The following ARL13A variants were observed in gnomAD, a reference collection of about 807,000 sequenced individuals.
ARL13A encodes ADP-ribosylation factor-like protein 13A.
In ARL13A, 16 loss-of-function variants were observed where a neutral mutation model predicts 19.1. The ratio of observed to expected loss-of-function variants is 0.84; its 90% CI spans 0.57 to 1.27. ARL13A has a LOEUF of 1.27. Ranked by LOEUF, ARL13A falls within the 50% of genes most tolerant of loss-of-function variation. The pLI, the probability that ARL13A is intolerant of heterozygous loss-of-function variation, is 0.00. For synonymous variants in ARL13A, 69 were observed against 71.3 expected, an observed-to-expected ratio of 0.97 and a Z score of 0.17; for missense variants, 153 against 186.4, an observed-to-expected ratio of 0.82 and a Z score of 1.04.
At chrX:100,982,015 G>C (rs1215952860) in intron 3 of ARL13A, among the ~76,000 whole-genome samples, 1 of 110,013 alleles carries the variant, frequency 9.1e-6, no homozygotes, top group Non-Finnish European at 1.9e-5. Context: ...GTTTTGTCTG[G>C]CATGGTCATG....
At chrX:100,988,958 G>C (rs1026632312) in intron 7 of ARL13A, among the ~76,000 whole-genome samples, 4 of 104,726 alleles carry the variant, frequency 3.8e-5, no homozygotes, top group Non-Finnish European at 7.7e-5. Flanking sequence ...AATTACGCAA[G>C]TACCCAAAAA....
At position 100,974,144 on chromosome X, in the gene ARL13A, T is replaced by C; in HGVS notation, c.77T>C (p.Ile26Thr). Residue 26 changes from isoleucine (I) to threonine (T), a missense_variant, in exon 3 of 8, where the codon ATC (isoleucine) becomes ACC (threonine). Coordinates refer to ENST00000450049, the MANE Select transcript of ARL13A (RefSeq NM_001162491.2). ...EETRRNVTIP[I>T]IGLNNSGKTV... Reference sequence around the variant, plus strand: ...ATTTCTAGGAATGTGACCATCCCTATCATTGGCTTGAACAACTCTGGCAAA... The same window carrying C: ...ATTTCTAGGAATGTGACCATCCCTACCATTGGCTTGAACAACTCTGGCAAA... 4.2e-6 allele frequency: 5 copies of C among 1,191,863 alleles called. No homozygotes were observed. Among genetic ancestry groups the C allele is most frequent in the Non-Finnish European group, 5.7e-6 (5 of 884,673 alleles).
intron 3 of ARL13A, among the ~76,000 whole-genome samples, chrX:100,981,867 TG>T (rs1356301402): frequency 9.3e-6 from 1 of 107,313 alleles, no homozygotes; most frequent in African/African-American, 3.4e-5. Context: ...ACCTAATTTT[TG>T]GTTCTTATGA....
chrX:100,981,667 G>T (rs2085857809), intron 3 of ARL13A, among the ~76,000 whole-genome samples: 1 of 107,821 alleles, frequency 9.3e-6, no homozygotes, highest in Non-Finnish European at 1.9e-5. Context: ...AAATTAGCCA[G>T]GTATGGTGAC....
At chrX:100,982,465 C>T (rs1484808512) in intron 3 of ARL13A, among the ~76,000 whole-genome samples, 2 of 72,885 alleles carry the variant, frequency 2.7e-5, no homozygotes, top group African/African-American at 9.3e-5. Context: ...GCACTCCAGG[C>T]TTAAAAAATA....
In ARL13A at chrX:100,985,710, T is replaced by C; in HGVS notation, c.174T>C (p.Thr58=). Residue 58 remains threonine (T), a synonymous_variant, in exon 4 of 8, where the codon ACT becomes ACC. Transcript: ENST00000450049. The part of the protein sequence containing the change: ...KTDHCMKSEL[T]TLLLDEYELS... ...ACCATTGCATGAAATCGGAACTGAC[T>C]ACACTTTTGTTAGATGAGTATGAAC... 8.3e-7 allele frequency: 1 copy of C among 1,211,044 alleles called. No individual in the cohort carries two copies. The highest frequency in any genetic ancestry group is 1.1e-6 in the Non-Finnish European group (1 of 895,106).
Position 100,974,351 on chromosome X carries a change from ACTCTATCTCT to A in ARL13A, c.130+159_130+168del, listed in dbSNP as rs200056405. ...CTAACACACACGCACACACACACAT[ACTCTATCTCT>A]CTCTGTCTCTCTCTCTCTCTCTCCC... On this transcript the variant is annotated intron_variant, in intron 3 of 7. Transcript: ENST00000450049. Among the ~76,000 whole-genome samples the A allele has an allele frequency of 1.0e-3, 107 of 105,990 alleles. 1 individual carries two copies. The East Asian group carries it at 0.03, about 29-fold the overall frequency. The allele number at this position is 105,990 out of a possible 115,157, so 92.0% of individuals were successfully genotyped here.
intron 3 of ARL13A, among the ~76,000 whole-genome samples, chrX:100,983,253 AAAAG>A (rs1232927332): frequency 1.8e-5 from 2 of 112,020 alleles, no homozygotes; most frequent in Non-Finnish European, 3.8e-5. Context: ...AGTAAAAAGA[AAAAG>A]AAAACTAGGA....
chrX:100,971,718 CTT>C (rs777239339), intron 1 of ARL13A, among the ~76,000 whole-genome samples: 309 of 14,556 alleles, frequency 0.021, 5 homozygotes, highest in Middle Eastern at 0.056. Context: ...CTTTCATTTT[CTT>C]TTTTTTTTTT....
At chrX:100,977,535 C>CA (rs1311815943) in intron 3 of ARL13A, among the ~76,000 whole-genome samples, 1 of 110,424 alleles carries the variant, frequency 9.1e-6, no homozygotes. Context: ...CGTGTGCCAC[C>CA]ACACCTGGCT....
intron 3 of ARL13A, among the ~76,000 whole-genome samples, chrX:100,981,852 C>T (rs1352498228): frequency 2.8e-5 from 3 of 105,858 alleles, no homozygotes; most frequent in East Asian, 3.0e-4. Context: ...GTACTGTGAT[C>T]GCTCACCTAA....
rs763541942 is a variant in ARL13A, at chrX:100,973,751, A to G, written c.59+3A>G. 1.7e-6 allele frequency: 2 copies of G among 1,207,633 alleles called. No homozygotes were observed. On this transcript the variant is annotated splice_donor_region_variant and intron_variant, in intron 2 of 7. Coordinates refer to ENST00000450049, the MANE Select transcript of ARL13A (RefSeq NM_001162491.2). Reference sequence around the variant, plus strand: ...AGGACAACAGAAGAGACACGAAGGTAATATTACAATTATTTCCCTAGGCCT... The same window carrying G: ...AGGACAACAGAAGAGACACGAAGGTGATATTACAATTATTTCCCTAGGCCT...
At chrX:100,979,888 G>A (rs2085826844) in intron 3 of ARL13A, among the ~76,000 whole-genome samples, 1 of 111,797 alleles carries the variant, frequency 8.9e-6, no homozygotes, top group African/African-American at 3.3e-5. Context: ...AGATCTGAGA[G>A]AATTCCCTGG....
At chrX:100,983,087 T>A (rs2085884859) in intron 3 of ARL13A, among the ~76,000 whole-genome samples, 1 of 110,846 alleles carries the variant, frequency 9.0e-6, no homozygotes, top group Non-Finnish European at 1.9e-5. Flanking sequence ...CCACTAGGGA[T>A]ACAGAAATGA....
At chrX:100,973,623 A>G in intron 1 of ARL13A, 53 bp from the exon 2 acceptor site, 1 of 1,110,724 alleles carries the variant, frequency 9.0e-7, no homozygotes, top group Non-Finnish European at 1.2e-6. Context: ...CTAAAGGCTC[A>G]GTGTTTATAA....
intron 7 of ARL13A, 125 bp downstream of exon 7, chrX:100,988,408 AAT>A (rs1434217033): frequency 8.3e-7 from 1 of 1,204,854 alleles, no homozygotes; most frequent in South Asian, 1.8e-5. Context: ...GTCTAAAAAG[AAT>A]ATGTCAGTAA....
At chrX:100,982,731 C>G (rs762307163) in intron 3 of ARL13A, among the ~76,000 whole-genome samples, 14 of 105,031 alleles carry the variant, frequency 1.3e-4, no homozygotes, top group Non-Finnish European at 1.9e-4. Flanking sequence ...TCATGGGTCA[C>G]TACAGCCTCG....
At position 100,973,659 on chromosome X, in the gene ARL13A, T is replaced by A. The variant is rs768628896; in HGVS notation, c.-14-17T>A. On this transcript the variant is annotated splice_polypyrimidine_tract_variant and intron_variant, in intron 1 of 7. Transcript: ENST00000450049. ...CAGGACTTACTTCTTATTTTCTTTCTTCTCTTAATATTTAAGAACTAAGAT... is the reference window on the plus strand; with the variant it reads ...CAGGACTTACTTCTTATTTTCTTTCATCTCTTAATATTTAAGAACTAAGAT... 2 of 1,199,583 alleles carry A rather than the reference T, an allele frequency of 1.7e-6. No individual in the cohort carries two copies. The highest frequency in any genetic ancestry group is 2.3e-6 in the Non-Finnish European group (2 of 885,971).
chrX:100,973,636 G>C, intron 1 of ARL13A, 40 bp from the exon 2 acceptor site: 1 of 1,156,500 alleles, frequency 8.6e-7, no homozygotes, highest in African/African-American at 1.8e-5. Context: ...GTTTATAACA[G>C]GACTTACTTC....
Sources: allele counts gnomAD v4.1 joint callset (sites outside exome capture counted in the v4.1 genomes callset), GRCh38; gene constraint gnomAD v4.1.1; transcripts MANE v1.5; gene names NCBI Gene and HGNC (gene_info 2026-07-23, HGNC 2026-07-21).